OBSL1: variants seen among roughly 807,000 people sequenced by gnomAD.
OBSL1 encodes obscurin like cytoskeletal adaptor 1.
Under a neutral mutation model 172.0 loss-of-function variants are expected in OBSL1, and 160 were observed. The ratio of observed to expected loss-of-function variants is 0.93; its 90% CI spans 0.82 to 1.06. The LOEUF is 1.06. Ranked by LOEUF, OBSL1 falls within the 50% of genes least tolerant of loss-of-function variation. OBSL1 has a pLI of 0.00. For missense variants in OBSL1, 2,681 were observed against 2,715.4 expected, an observed-to-expected ratio of 0.99 and a Z score of 0.28; for synonymous variants, 1,200 against 1,196.3, an observed-to-expected ratio of 1.00 and a Z score of -0.06.
At position 219,566,820 on chromosome 2, in the gene OBSL1, T is replaced by C. The variant is rs748257397; in HGVS notation, c.2134+10A>G. The C allele has an allele frequency of 1.3e-6, 2 of 1,562,108 alleles. No individual in the cohort carries two copies. Among genetic ancestry groups the C allele is most frequent in the Admixed American group, 1.8e-5 (1 of 55,520 alleles). ...CCTTTCTGCCCACTCAGGTCCCCACTGGCACCAACCTTGGATTGTGAGGGC... is the reference window on the plus strand; with the variant it reads ...CCTTTCTGCCCACTCAGGTCCCCACCGGCACCAACCTTGGATTGTGAGGGC... On this transcript the variant is annotated intron_variant, in intron 5 of 20. Transcript: ENST00000404537.
chr2:219,559,462 C>T lies in OBSL1; in HGVS notation c.2989G>A (p.Val997Met), dbSNP rs370476721. 1.6e-5 allele frequency: 26 copies of T among 1,613,848 alleles called. No homozygotes were observed. In the African/African-American group the frequency reaches 2.5e-4, roughly 16 times the overall value. ...PVRIIYPRDE[V>M]TLIAVTLECV... Reference sequence around the variant, plus strand: ...TCCAAGGTCACGGCGATCAAGGTCACCTCATCGCGAGGGTATATGATCCGC... The same window carrying T: ...TCCAAGGTCACGGCGATCAAGGTCATCTCATCGCGAGGGTATATGATCCGC... The change falls in exon 9 of 21, where the codon GTG becomes ATG. Residue 997 changes from valine to methionine, a missense_variant. By Grantham distance (21) the Val-to-Met change is conservative. This residue lies in a region of OBSL1 where 1,765 missense variants were observed against 1,748.3 expected (regional missense o/e 1.01). Transcript: ENST00000404537.
intron 15 of OBSL1, 70 bp from the exon 16 acceptor site, chr2:219,553,756 A>G (rs1695804387): frequency 9.1e-7 from 1 of 1,101,290 alleles, no homozygotes; most frequent in Admixed American, 1.9e-5. Flanking sequence ...GACAAGGAGG[A>G]CATACACTTG....
rs770388002 is a variant in OBSL1, at chr2:219,558,051, C to T, written c.3562G>A (p.Gly1188Arg). The stretch of plus-strand genomic sequence containing the variant: ...TCACAGCTCAGCACCACTGGCTCCC[C>T]AGGGGCCACACAGAGCGGGCTTGGA... ...TTPSPLCVAP[G>R]EPVVLSCELS... The change falls in exon 11 of 21, where the codon GGG becomes AGG. Residue 1188 changes from glycine (G) to arginine (R), a missense_variant. By Grantham distance (125) the Gly-to-Arg change is moderately radical (BLOSUM62 -2). Around this residue, in one of 5 missense-constraint regions of OBSL1, gnomAD observed 1,765 missense variants for 1,748.3 expected, o/e 1.01. Coordinates refer to ENST00000404537, the MANE Select transcript of OBSL1 (RefSeq NM_015311.3). The T allele has an allele frequency of 5.0e-6, 8 of 1,613,454 alleles. No homozygotes were observed. Among genetic ancestry groups the T allele is most frequent in the African/African-American group, 2.7e-5 (2 of 74,944 alleles).
chr2:219,562,220 C>T (rs1210197380), intron 8 of OBSL1, among the ~76,000 whole-genome samples, 182 bp downstream of exon 8: 2 of 152,176 alleles, frequency 1.3e-5, no homozygotes, highest in Admixed American at 1.3e-4. Flanking sequence ...TGGCCTTGGG[C>T]ACCGGGGAGG....
intron 8 of OBSL1, 113 bp downstream of exon 8, chr2:219,562,289 A>C: frequency 3.0e-6 from 4 of 1,328,382 alleles, no homozygotes; most frequent in Non-Finnish European, 4.2e-6. Flanking sequence ...TGGCACATGC[A>C]CCTGCAGCCC....
rs755891769 is a variant in OBSL1 at position 219,563,382 on chromosome 2, A to G, written c.2653T>C (p.Cys885Arg). The G allele has an allele frequency of 7.5e-6, 12 of 1,596,196 alleles. No individual in the cohort carries two copies. The highest frequency in any genetic ancestry group is 6.0e-6 in the Non-Finnish European group (7 of 1,169,432). ...GEFQCVAGDECAYFTVTITDV... is the reference protein window; with the variant it reads ...GEFQCVAGDERAYFTVTITDV... ...GTGATGGTGACAGTGAAGTAGGCACACTCATCTCCAGCGACGCACTGAAAC... is the reference window on the plus strand; with the variant it reads ...GTGATGGTGACAGTGAAGTAGGCACGCTCATCTCCAGCGACGCACTGAAAC... The change falls in exon 7 of 21, where the codon TGT becomes CGT. Residue 885 changes from cysteine to arginine, a missense_variant. By Grantham distance (180) the Cys-to-Arg change is radical. This residue lies in a region of OBSL1 where 1,765 missense variants were observed against 1,748.3 expected (regional missense o/e 1.01). Transcript: ENST00000404537.
At position 219,570,357 on chromosome 2, in the gene OBSL1, G is replaced by A. The variant is rs551084552; in HGVS notation, c.876C>T (p.Arg292=). ...CGCCGTCGCGGTCGCGGTACATGAG[G>A]CGGCGGCGGTCCGGGAGCAGCGGGC... ...EGRPLLPDRR[R]LMYRDRDGGF... Residue 292 remains arginine, a synonymous_variant, in exon 1 of 21, where the codon CGC becomes CGT. Transcript: ENST00000404537. 407 of 1,612,878 alleles carry A rather than the reference G, an allele frequency of 2.5e-4. 10 individuals carry two copies. The South Asian group carries it at 4.3e-3, about 17-fold the overall frequency.
intron 14 of OBSL1, chr2:219,555,818 A>G: frequency 2.8e-6 from 4 of 1,404,032 alleles, no homozygotes; most frequent in Non-Finnish European, 3.7e-6. Context: ...ATGGAATGCA[A>G]AATCCACATG....
chr2:219,555,188 T>C (rs1049898803), intron 14 of OBSL1: 6 of 164,616 alleles, frequency 3.6e-5, no homozygotes, highest in African/African-American at 1.4e-4. Flanking sequence ...ATTTCTTGAA[T>C]GAAATAAGTT....
intron 8 of OBSL1, chr2:219,561,921 C>T (rs868310771): frequency 1.8e-5 from 13 of 717,330 alleles, no homozygotes; most frequent in Middle Eastern, 2.3e-4. Flanking sequence ...TGGGGGGAAG[C>T]GGGACCAGAG....
In OBSL1 at chr2:219,556,489, C is replaced by T. The variant is rs890517885; in HGVS notation, c.4301G>A (p.Gly1434Glu). 2.5e-6 allele frequency: 4 copies of T among 1,613,738 alleles called. No individual in the cohort carries two copies. In the African/African-American group the frequency reaches 4.0e-5, roughly 16 times the overall value. The change falls in exon 13 of 21, where the codon GGG becomes GAG. Residue 1434 changes from glycine to glutamate, a missense_variant. By Grantham distance (98) the Gly-to-Glu change is moderately conservative. Coordinates refer to ENST00000404537, the MANE Select transcript of OBSL1 (RefSeq NM_015311.3). Reference sequence around the variant, plus strand: ...GAGCCGGGCACTTGTGGCCGTGCTCCCTGCCCGCAAAGTCACGGTCCCTGC... The same window carrying T: ...GAGCCGGGCACTTGTGGCCGTGCTCTCTGCCCGCAAAGTCACGGTCCCTGC... ...GDAGTVTLRA[G>E]STATSARLHV...
Position 219,563,442 on chromosome 2 carries a change from C to T in OBSL1, c.2593G>A (p.Val865Met), listed in dbSNP as rs1335147149. The T allele has an allele frequency of 4.3e-6, 7 of 1,613,606 alleles. No individual in the cohort carries two copies. The highest frequency in any genetic ancestry group is 2.7e-5 in the African/African-American group (2 of 74,924). Residue 865 changes from valine to methionine, a missense_variant, in exon 7 of 21, where the codon GTG becomes ATG. Physicochemically the swap from Val to Met is conservative, Grantham distance 21. This residue lies in a region of OBSL1 where 1,765 missense variants were observed against 1,748.3 expected (regional missense o/e 1.01). Transcript: ENST00000404537. The stretch of plus-strand genomic sequence containing the variant: ...TCTGAGGGCTGGGTGGCGGGCAGCA[C>T]CAGGCGGCGATGGGGCCCCTCATTC... ...LENEGPHRRL[V>M]LPATQPSDGG...
rs555432065 is a variant in OBSL1 at position 219,562,488 on chromosome 2, A to G, written c.2867T>C (p.Val956Ala). The change falls in exon 8 of 21, where the codon GTG (valine) becomes GCG (alanine). Residue 956 changes from valine to alanine, a missense_variant. Around this residue, in one of 5 missense-constraint regions of OBSL1, gnomAD observed 1,765 missense variants for 1,748.3 expected, o/e 1.01. Transcript: ENST00000404537. Reference protein sequence around the residue: ...LQKEDTVRRLVLPAVQLEDSG... With the variant: ...LQKEDTVRRLALPAVQLEDSG... ...GTCCTCGAGCTGGACAGCGGGCAGC[A>G]CCAGGCGGCGGACAGTGTCTTCCTT... is the stretch of plus-strand genomic sequence containing the variant. 1.9e-6 allele frequency: 3 copies of G among 1,614,030 alleles called. No homozygotes were observed. In the African/African-American group the frequency reaches 4.0e-5, roughly 22 times the overall value.
intron 19 of OBSL1, 52 bp downstream of exon 19, chr2:219,552,037 AGCCCCAAGTCCGTCAGTCCCATG>A (rs2106006272): frequency 7.1e-7 from 1 of 1,401,814 alleles, no homozygotes; most frequent in African/African-American, 1.4e-5. Flanking sequence ...TCTTGGGGCC[AGCCCCAAGTCCGTCAGTCCCATG>A]GCAGGAGAGA....
rs575284195 is a variant in OBSL1 at position 219,555,065 on chromosome 2, TA to T, written c.4610-326del. On this transcript the variant is annotated intron_variant, in intron 14 of 20. Transcript: ENST00000404537. ...ACACACTAGGAATGGAACCTCGCTC[TA>T]CCACATAGTTTGTGTGCTATGTGAT... 771 of 354,732 alleles carry T rather than the reference TA, an allele frequency of 2.2e-3. 9 individuals carry two copies. Among genetic ancestry groups the T allele is most frequent in the South Asian group, 0.022 (365 of 16,812 alleles). The allele number at this position is 354,732 out of a possible 1,614,324, so 22.0% of individuals were successfully genotyped here. A position where few individuals can be genotyped will look rare whatever the true frequency, so the allele number is the denominator to read the frequency against.
Position 219,567,421 on chromosome 2 carries a change from C to G in OBSL1, c.1689G>C (p.Trp563Cys), listed in dbSNP as rs1346848867. 1 of 1,613,140 alleles carries G rather than the reference C, an allele frequency of 6.2e-7. No individual in the cohort carries two copies. The highest frequency in any genetic ancestry group is 1.7e-5 in the Admixed American group (1 of 59,906). Residue 563 changes from tryptophan (W) to cysteine (C), a missense_variant, in exon 4 of 21, where the codon TGG becomes TGC. Physicochemically the swap from Trp to Cys is radical, Grantham distance 215. Coordinates refer to ENST00000404537, the MANE Select transcript of OBSL1 (RefSeq NM_015311.3). ...CTTTCTCGATGCTGAAGCACTGAAT[C>G]CAGTCTTCAGAGCCCACTTCCTGCC... ...LERQEVGSED[W>C]IQCFSIEKAG...
At chr2:219,555,446 T>G in intron 14 of OBSL1, 2 of 29,090 alleles carry the variant, frequency 6.9e-5, no homozygotes, top group Non-Finnish European at 1.1e-4. Flanking sequence ...GCCCGGCTAA[T>G]TTTTATTTTT....
At position 219,552,139 on chromosome 2, in the gene OBSL1, G is replaced by A. The variant is rs1394996502; in HGVS notation, c.5386C>T (p.Gln1796Ter). The change falls in exon 19 of 21, where the codon CAG becomes TAG. Residue 1796 changes from glutamine (Q) to a stop codon, truncating the protein, a stop_gained. Coordinates refer to ENST00000404537, the MANE Select transcript of OBSL1 (RefSeq NM_015311.3). LOFTEE classifies it high-confidence loss of function. ...GEVRFQAGPAQSLALLEVEAL... is the reference protein window; with the variant it reads ...GEVRFQAGPA Reference sequence around the variant, plus strand: ...TCCACTTCCAGTAGAGCCAGGGACTGGGCGGGCCCCGCCTGGAAGCGGACT... The same window carrying A: ...TCCACTTCCAGTAGAGCCAGGGACTAGGCGGGCCCCGCCTGGAAGCGGACT... 6.2e-7 allele frequency: 1 copy of A among 1,611,648 alleles called. No individual in the cohort carries two copies. The highest frequency in any genetic ancestry group is 8.5e-7 in the Non-Finnish European group (1 of 1,179,266).
chr2:219,550,711 TCA>T, downstream of OBSL1: 1 of 1,338,602 alleles, frequency 7.5e-7, no homozygotes. Context: ...CCCACATCAC[TCA>T]GAGAGGCAAG....
Sources: gnomAD v4.1 joint callset for allele counts (sites outside exome capture counted in the v4.1 genomes callset) on GRCh38, gnomAD v4.1.1 for gene constraint, gnomAD v4.1.1 regional missense constraint, MANE v1.5 for transcripts, NCBI Gene and HGNC (gene_info 2026-07-23, HGNC 2026-07-21) for gene names.